The following CSMD2 variants were observed in gnomAD, a reference collection of about 807,000 sequenced individuals.
The protein encoded by CSMD2 is CUB and sushi domain-containing protein 2.
A neutral mutation model predicts 398.5 loss-of-function variants in CSMD2; 130 were observed. The ratio of observed to expected loss-of-function variants is 0.33; its 90% CI spans 0.28 to 0.38. The LOEUF is 0.38. CSMD2 is among the 10% of genes least tolerant of loss of function. The probability of loss-of-function intolerance (pLI) is 1.00; values close to 1 mark genes in which losing one functional copy is unlikely to be tolerated. For synonymous variants in CSMD2, 1,828 were observed against 1,908.5 expected (o/e 0.96, Z 1.10); for missense variants, 3,829 against 4,764.9 (o/e 0.80, Z 5.78).
rs74067909 is a variant in CSMD2 at position 33,811,614 on chromosome 1, A to T, written c.1325-750T>A. ...GCATAAAGATTCAAGGTGAATTAGA[A>T]GTGTTCTACTCAAGTAGATATAAAG... On this transcript the variant is annotated intron_variant, in intron 9 of 70. Transcript: ENST00000373381. Among the ~76,000 whole-genome samples, 968 of 152,322 alleles carry T rather than the reference A, an allele frequency of 6.4e-3. 9 individuals are homozygous for T. Among genetic ancestry groups the T allele is most frequent in the African/African-American group, 0.022 (897 of 41,568 alleles).
chr1:33,808,647 AT>A (rs1656505582), intron 10 of CSMD2, among the ~76,000 whole-genome samples: 1 of 152,058 alleles, frequency 6.6e-6, no homozygotes, highest in Non-Finnish European at 1.5e-5. Flanking sequence ...AGATTGAAAA[AT>A]AATGAACAAA....
chr1:33,760,617 T>C (rs549904476), intron 13 of CSMD2, among the ~76,000 whole-genome samples: 188 of 152,308 alleles, frequency 1.2e-3, no homozygotes, highest in Non-Finnish European at 1.8e-3. Flanking sequence ...CTTTACATCA[T>C]TGAGTCTTTC....
chr1:34,060,438 T>C (rs995857320), intron 2 of CSMD2, among the ~76,000 whole-genome samples: 12 of 152,102 alleles, frequency 7.9e-5, no homozygotes, highest in Non-Finnish European at 1.5e-5. Context: ...TATCAAAGGA[T>C]GGGAAGGAGA....
At chr1:33,961,300 ACCTCTTTCTCACAGCCTG>A (rs1412729653) in intron 3 of CSMD2, among the ~76,000 whole-genome samples, 1 of 151,838 alleles carries the variant, frequency 6.6e-6, no homozygotes, top group Admixed American at 6.6e-5. Flanking sequence ...CCCAAACCCC[ACCTCTTTCTCACAGCCTG>A]CCTCTGCCTC....
chr1:33,804,118 C>T (rs79293324), intron 10 of CSMD2, among the ~76,000 whole-genome samples: 17,220 of 152,188 alleles, frequency 0.11, 1,299 homozygotes, highest in East Asian at 0.35. Context: ...TGTCCTATTA[C>T]GAGAATGAAA....
chr1:33,877,710 G>A (rs1021028344), intron 5 of CSMD2, among the ~76,000 whole-genome samples: 4 of 152,132 alleles, frequency 2.6e-5, no homozygotes, highest in African/African-American at 9.7e-5. Context: ...ATTATTTTGT[G>A]TAGCTCAAGG....
At chr1:33,571,762 C>G (rs1659619614) in intron 50 of CSMD2, 36 bp from the exon 51 acceptor site, 1 of 1,365,258 alleles carries the variant, frequency 7.3e-7, no homozygotes. Context: ...GGATTAATTA[C>G]TTGATTAATT....
At chr1:33,902,513 G>A (rs1642821195) in intron 5 of CSMD2, among the ~76,000 whole-genome samples, 1 of 152,100 alleles carries the variant, frequency 6.6e-6, no homozygotes, top group East Asian at 1.9e-4. Context: ...TCCCTCCCTG[G>A]GCATGCTGAC....
chr1:33,772,477 G>T, intron 13 of CSMD2, 92 bp downstream of exon 13: 1 of 1,125,892 alleles, frequency 8.9e-7, no homozygotes, highest in Non-Finnish European at 1.3e-6. Flanking sequence ...CAACCTGCAA[G>T]GTTCCCAGGG....
At chr1:33,536,999 C>T (rs764084847) in intron 62 of CSMD2, 23 bp downstream of exon 62, 2 of 1,610,988 alleles carry the variant, frequency 1.2e-6, no homozygotes, top group South Asian at 1.1e-5. Context: ...GTAGGAAGAC[C>T]CTATCTTGGC....
intron 1 of CSMD2, among the ~76,000 whole-genome samples, chr1:34,122,947 C>T (rs1483836755): frequency 1.1e-4 from 16 of 152,212 alleles, no homozygotes; most frequent in Non-Finnish European, 1.5e-5. Context: ...GCTTTAAGTG[C>T]TTTGCCTCAT....
At chr1:33,532,675 G>A (rs1272278198) in intron 64 of CSMD2, among the ~76,000 whole-genome samples, 2 of 152,242 alleles carry the variant, frequency 1.3e-5, no homozygotes, top group East Asian at 1.9e-4. Flanking sequence ...ATGAAGAAGA[G>A]GGGAAGGGAG....
chr1:33,562,528 G>C (rs987300448), intron 53 of CSMD2, among the ~76,000 whole-genome samples: 1 of 152,188 alleles, frequency 6.6e-6, no homozygotes, highest in Non-Finnish European at 1.5e-5. Context: ...TGCTGCTAAT[G>C]AGAGGGGAGA....
At chr1:34,029,810 C>G (rs1057507104) in intron 3 of CSMD2, among the ~76,000 whole-genome samples, 8 of 152,226 alleles carry the variant, frequency 5.3e-5, no homozygotes, top group Admixed American at 6.5e-5. Context: ...AGGGGCCTTG[C>G]CTACAAGGCT....
At chr1:33,832,926 A>T (rs1659771143) in intron 6 of CSMD2, among the ~76,000 whole-genome samples, 1 of 151,696 alleles carries the variant, frequency 6.6e-6, no homozygotes, top group South Asian at 2.1e-4. Flanking sequence ...TCCTAGACAC[A>T]TACACCCTCC....
chr1:33,694,019 A>G (rs1645331165), intron 24 of CSMD2, among the ~76,000 whole-genome samples: 1 of 152,196 alleles, frequency 6.6e-6, no homozygotes, highest in South Asian at 2.1e-4. Context: ...AGATCGCACC[A>G]TTGCACTCCA....
chr1:33,752,450 T>C (rs985314851), intron 13 of CSMD2, among the ~76,000 whole-genome samples: 2 of 152,234 alleles, frequency 1.3e-5, no homozygotes, highest in African/African-American at 4.8e-5. Context: ...GTAAGCCTCC[T>C]GAGACCCTCA....
At chr1:33,883,299 CCA>C (rs1326987028) in intron 5 of CSMD2, among the ~76,000 whole-genome samples, 1 of 152,152 alleles carries the variant, frequency 6.6e-6, no homozygotes, top group Non-Finnish European at 1.5e-5. Flanking sequence ...CTGCCAGCAA[CCA>C]GCTGTGTGTA....
At chr1:33,619,867 T>C (rs1337912663) in intron 37 of CSMD2, among the ~76,000 whole-genome samples, 1 of 152,146 alleles carries the variant, frequency 6.6e-6, no homozygotes, top group Non-Finnish European at 1.5e-5. Context: ...ACTTGTCATC[T>C]TGTCTATTTC....
Sources: gnomAD v4.1 joint callset for allele counts (sites outside exome capture counted in the v4.1 genomes callset) on GRCh38, gnomAD v4.1.1 for gene constraint, MANE v1.5 for transcripts, NCBI Gene and HGNC (gene_info 2026-07-23, HGNC 2026-07-21) for gene names.